The following ATP8A2 variants were observed in gnomAD, a reference collection of about 807,000 sequenced individuals.
ATP8A2 encodes the protein phospholipid-transporting ATPase IB.
ATP8A2 carries 100 observed loss-of-function variants against 165.6 expected under a neutral mutation model. The ratio of observed to expected loss-of-function variants is 0.60; its 90% CI spans 0.51 to 0.71. The LOEUF (loss-of-function observed/expected upper bound fraction) is 0.71, where lower values mean the gene tolerates loss of function less well. Ranked by LOEUF, ATP8A2 falls within the 30% of genes least tolerant of loss-of-function variation. The pLI, the probability that ATP8A2 is intolerant of heterozygous loss-of-function variation, is 0.00. For synonymous variants in ATP8A2, 543 were observed against 548.8 expected, an observed-to-expected ratio of 0.99 and a Z score of 0.15; for missense variants, 1,227 against 1,479.5, an observed-to-expected ratio of 0.83 and a Z score of 2.80.
rs139290629 is a variant in ATP8A2, at chr13:25,960,603, C to G, written c.3184-972C>G. 1.7e-4 allele frequency among the ~76,000 whole-genome samples: 26 copies of G among 152,236 alleles called. 1 individual carries two copies. Among genetic ancestry groups the G allele is most frequent in the Admixed American group, 6.5e-4 (10 of 15,292 alleles). ...CAGGTGGCCCACCCTTGTAGGCCAGCCTCCCAATTCCTAGCCAGCTCCAGG... is the reference window on the plus strand; with the variant it reads ...CAGGTGGCCCACCCTTGTAGGCCAGGCTCCCAATTCCTAGCCAGCTCCAGG... On this transcript the variant is annotated intron_variant, in intron 33 of 36. Transcript: ENST00000381655.
intron 36 of ATP8A2, among the ~76,000 whole-genome samples, chr13:26,017,045 C>T (rs916037201): frequency 6.6e-6 from 1 of 152,180 alleles, no homozygotes; most frequent in African/African-American, 2.4e-5. Context: ...CACTTGGGGC[C>T]ACCAGAATCT....
intron 33 of ATP8A2, among the ~76,000 whole-genome samples, chr13:25,924,583 C>T (rs1432990572): frequency 6.6e-6 from 1 of 152,070 alleles, no homozygotes; most frequent in Non-Finnish European, 1.5e-5. Context: ...CTGCAATGAC[C>T]CTATTTCCAA....
At chr13:25,660,733 T>G (rs79395051) in intron 24 of ATP8A2, among the ~76,000 whole-genome samples, 5,241 of 152,214 alleles carry the variant, frequency 0.034, 156 homozygotes, top group East Asian at 0.13. Flanking sequence ...CATTAAACAA[T>G]ACCTCTTTAA....
At chr13:25,798,633 G>T (rs1328909576) in intron 27 of ATP8A2, among the ~76,000 whole-genome samples, 1 of 152,150 alleles carries the variant, frequency 6.6e-6, no homozygotes, top group African/African-American at 2.4e-5. Flanking sequence ...AGGAGGTGGG[G>T]ATGTTATAAG....
At chr13:25,599,236 T>C (rs1200542195) in intron 24 of ATP8A2, among the ~76,000 whole-genome samples, 3 of 152,230 alleles carry the variant, frequency 2.0e-5, no homozygotes, top group Non-Finnish European at 4.4e-5. Flanking sequence ...TTCTCTCCCA[T>C]ATGCTGCTTT....
At chr13:25,855,060 G>A (rs1490238977) in intron 30 of ATP8A2, among the ~76,000 whole-genome samples, 1 of 152,080 alleles carries the variant, frequency 6.6e-6, no homozygotes, top group East Asian at 1.9e-4. Context: ...AGACCAGCCT[G>A]ACCAACATGG....
At chr13:25,907,059 G>A (rs187583748) in intron 33 of ATP8A2, among the ~76,000 whole-genome samples, 213 of 152,236 alleles carry the variant, frequency 1.4e-3, no homozygotes, top group East Asian at 5.6e-3. Flanking sequence ...GTGAAACCCC[G>A]TCTCTACCAA....
At chr13:25,558,764 C>T (rs2039056479) in intron 13 of ATP8A2, among the ~76,000 whole-genome samples, 1 of 152,180 alleles carries the variant, frequency 6.6e-6, no homozygotes, top group Admixed American at 6.5e-5. Flanking sequence ...TATTTCGGTA[C>T]ACTTTGATTA....
chr13:25,812,018 C>A lies in ATP8A2; in HGVS notation c.2680-16100C>A, dbSNP rs542398130. 1.9e-4 allele frequency among the ~76,000 whole-genome samples: 29 copies of A among 152,256 alleles called. No homozygotes were observed. In the East Asian group the frequency reaches 5.4e-3, roughly 28 times the overall value. On this transcript the variant is annotated intron_variant, in intron 27 of 36. Coordinates refer to ENST00000381655, the MANE Select transcript of ATP8A2 (RefSeq NM_016529.6). ...CCCTCTCTACATTACAGCTTTGCCT[C>A]CTCTCCTTCTCCCTTCCCACATAGT...
intron 36 of ATP8A2, 92 bp from the exon 37 acceptor site, chr13:26,019,796 G>C: frequency 1.2e-6 from 1 of 836,900 alleles, no homozygotes; most frequent in Non-Finnish European, 2.0e-6. Context: ...GCACTCACCC[G>C]CACGCTGCCA....
chr13:25,702,571 CA>C (rs2042973897), intron 25 of ATP8A2, among the ~76,000 whole-genome samples: 1 of 152,192 alleles, frequency 6.6e-6, no homozygotes, highest in Non-Finnish European at 1.5e-5. Context: ...GTGACATTTA[CA>C]TTGCAAATTC....
At chr13:25,841,724 A>G (rs904204574) in intron 30 of ATP8A2, among the ~76,000 whole-genome samples, 1 of 152,218 alleles carries the variant, frequency 6.6e-6, no homozygotes, top group African/African-American at 2.4e-5. Flanking sequence ...AGTTTGTAGT[A>G]TGGAAAGGGA....
intron 1 of ATP8A2, among the ~76,000 whole-genome samples, chr13:25,379,675 T>TA (rs2032766593): frequency 6.6e-6 from 1 of 152,208 alleles, no homozygotes; most frequent in Non-Finnish European, 1.5e-5. Context: ...CCTCAGTAGT[T>TA]ACTGTATATG....
chr13:25,543,382 C>A lies in ATP8A2; in HGVS notation c.871C>A (p.His291Asn). ...CTTTGGCATAGTTGTTTATACTGGA[C>A]ACGACACCAAACTCATGCAGGTAAA... is the stretch of plus-strand genomic sequence containing the variant. ...WVFGIVVYTGHDTKLMQNSTK... is the reference protein window; with the variant it reads ...WVFGIVVYTGNDTKLMQNSTK... The change falls in exon 10 of 37, where the codon CAC becomes AAC. Residue 291 changes from histidine to asparagine, a missense_variant. Coordinates refer to ENST00000381655, the MANE Select transcript of ATP8A2 (RefSeq NM_016529.6). 1 of 1,607,104 alleles carries A rather than the reference C, an allele frequency of 6.2e-7. No individual in the cohort carries two copies. Among genetic ancestry groups the A allele is most frequent in the Non-Finnish European group, 8.5e-7 (1 of 1,174,206 alleles).
intron 35 of ATP8A2, among the ~76,000 whole-genome samples, chr13:26,010,012 G>A (rs1956810078): frequency 1.3e-5 from 2 of 152,196 alleles, no homozygotes; most frequent in Non-Finnish European, 2.9e-5. Flanking sequence ...GCTGCAGTGA[G>A]CCGAGATTGC....
chr13:25,901,000 A>G (rs1953728007), intron 33 of ATP8A2, among the ~76,000 whole-genome samples: 1 of 152,234 alleles, frequency 6.6e-6, no homozygotes, highest in Non-Finnish European at 1.5e-5. Flanking sequence ...AGGCTGCCTC[A>G]TCTCAGAAGC....
intron 2 of ATP8A2, among the ~76,000 whole-genome samples, chr13:25,483,553 T>G (rs2036268338): frequency 1.3e-5 from 2 of 152,120 alleles, no homozygotes; most frequent in Admixed American, 6.5e-5. Context: ...TTCAAGATAC[T>G]CCAATTAATA....
intron 23 of ATP8A2, among the ~76,000 whole-genome samples, chr13:25,587,818 A>G (rs1316263776): frequency 6.6e-6 from 1 of 152,230 alleles, no homozygotes; most frequent in Non-Finnish European, 1.5e-5. Context: ...TTAATGGGAA[A>G]CAAAGAGTTT....
At position 25,627,701 on chromosome 13, in the gene ATP8A2, G is replaced by A. The variant is rs561709893; in HGVS notation, c.2211+38002G>A. Among the ~76,000 whole-genome samples the A allele has an allele frequency of 3.3e-5, 5 of 152,246 alleles. No homozygotes were observed. The East Asian group carries it at 7.7e-4, about 24-fold the overall frequency. ...TGTTGTTTAAGCCACCCAGTCTGTG[G>A]CATTTTGTTATGGCAGCCTGAGCAG... On this transcript the variant is annotated intron_variant, in intron 24 of 36. Transcript: ENST00000381655.
Sources: gnomAD v4.1 joint callset for allele counts (sites outside exome capture counted in the v4.1 genomes callset) on GRCh38, gnomAD v4.1.1 for gene constraint, MANE v1.5 for transcripts, NCBI Gene and HGNC (gene_info 2026-07-23, HGNC 2026-07-21) for gene names.